Variants in RABEPK observed in about 807,000 individuals in gnomAD.
RABEPK encodes Rab9 effector protein with kelch motifs.
In RABEPK, 27 loss-of-function variants were observed where a neutral mutation model predicts 34.1. The observed-to-expected ratio is 0.79, with a 90% confidence interval of 0.58 to 1.09. The LOEUF is 1.09. Ranked by LOEUF, RABEPK falls within the 50% of genes least tolerant of loss-of-function variation. The pLI, the probability that RABEPK is intolerant of heterozygous loss-of-function variation, is 0.00. For missense variants in RABEPK, 449 were observed against 462.6 expected, an observed-to-expected ratio of 0.97 and a Z score of 0.27; for synonymous variants, 172 against 169.2, an observed-to-expected ratio of 1.02 and a Z score of -0.13.
At chr9:125,217,010 C>T (rs542910353) in intron 4 of RABEPK, among the ~76,000 whole-genome samples, 1 of 151,526 alleles carries the variant, frequency 6.6e-6, no homozygotes, top group Non-Finnish European at 1.5e-5. Context: ...AGACACTTGG[C>T]AGACCATTTG....
At chr9:125,210,643 G>C (rs1253127796) in intron 3 of RABEPK, among the ~76,000 whole-genome samples, 1 of 149,106 alleles carries the variant, frequency 6.7e-6, no homozygotes, top group African/African-American at 2.5e-5. Context: ...GGGAGGCAGA[G>C]GTTGCAGTGA....
chr9:125,203,025 G>A lies in RABEPK; in HGVS notation c.12G>A (p.Leu4=). 1 of 1,613,604 alleles carries A rather than the reference G, an allele frequency of 6.2e-7. No homozygotes were observed. MKQ[L]PVLEPGDKPR... is the part of the protein sequence containing the mutation. ...ATGCATAGGACACCATGAAGCAACTGCCAGTCTTGGAACCTGGAGACAAGC... is the reference window on the plus strand; with the variant it reads ...ATGCATAGGACACCATGAAGCAACTACCAGTCTTGGAACCTGGAGACAAGC... Residue 4 remains leucine, a synonymous_variant, in exon 2 of 8, where the codon CTG becomes CTA. Transcript: ENST00000373538.
intron 7 of RABEPK, among the ~76,000 whole-genome samples, chr9:125,233,351 T>C (rs1417788090): frequency 2.1e-5 from 3 of 145,618 alleles, no homozygotes; most frequent in Non-Finnish European, 4.5e-5. Context: ...TTTTTTTTTT[T>C]TGTCTGAGAT....
At chr9:125,220,343 A>G in intron 4 of RABEPK, 196 bp from the exon 5 acceptor site, 1 of 1,443,192 alleles carries the variant, frequency 6.9e-7, no homozygotes, top group East Asian at 2.5e-5. Flanking sequence ...AATCTTGGGG[A>G]TTTTGGACTG....
At chr9:125,204,114 C>T (rs1830072215) in intron 2 of RABEPK, among the ~76,000 whole-genome samples, 1 of 151,280 alleles carries the variant, frequency 6.6e-6, no homozygotes, top group Non-Finnish European at 1.5e-5. Context: ...GTGGGCGGAT[C>T]ACGAGGTCAG....
Position 125,228,046 on chromosome 9 carries a change from C to T in RABEPK, c.663C>T (p.His221=). 3 of 1,586,708 alleles carry T rather than the reference C, an allele frequency of 1.9e-6. No individual in the cohort carries two copies. The highest frequency in any genetic ancestry group is 2.6e-6 in the Non-Finnish European group (3 of 1,164,452). The change falls in exon 6 of 8, where the codon CAC becomes CAT. Residue 221 remains histidine, a synonymous_variant. Transcript: ENST00000373538. ...GGGACAGATTCTATGATGACCTCCA[C>T]TGCATTGATATAAGTAAGCAGGGCA... ...LAGDRFYDDL[H]CIDISDMKWQ... is the part of the protein sequence containing the mutation.
At chr9:125,212,110 C>G (rs1303738693) in intron 3 of RABEPK, among the ~76,000 whole-genome samples, 1 of 152,212 alleles carries the variant, frequency 6.6e-6, no homozygotes, top group African/African-American at 2.4e-5. Flanking sequence ...GACCTCAGTG[C>G]TCTATAAAGT....
chr9:125,203,191 T>C lies in RABEPK; in HGVS notation c.53+125T>C, dbSNP rs1455306122. On this transcript the variant is annotated intron_variant, in intron 2 of 7. Transcript: ENST00000373538. ...TGAAACTGTCTGCAGTTTCTGGTAA[T>C]TAGACTCAAACTGTCTGAGAAAGTC... 5 of 741,096 alleles carry C rather than the reference T, an allele frequency of 6.7e-6. No homozygotes were observed. The East Asian group carries it at 1.2e-4, about 17-fold the overall frequency. 45.9% of individuals were successfully genotyped at this position (741,096 alleles called of 1,614,324 possible).
At chr9:125,211,935 C>CTCCA (rs941312487) in intron 3 of RABEPK, among the ~76,000 whole-genome samples, 2 of 151,932 alleles carry the variant, frequency 1.3e-5, no homozygotes, top group African/African-American at 4.8e-5. Flanking sequence ...CGCCAGTGCG[C>CTCCA]TCCAGCCTGG....
rs150980160 is a variant in RABEPK, at chr9:125,220,646, G to A, written c.472G>A (p.Gly158Arg). Residue 158 changes from glycine to arginine, a missense_variant, in exon 5 of 8, where the codon GGA becomes AGA. Coordinates refer to ENST00000373538, the MANE Select transcript of RABEPK (RefSeq NM_005833.4). ...IGNQLYVFGG[G>R]ERGAQPVQDT... ...AAACCAGCTATATGTCTTTGGGGGC[G>A]GAGAGAGAGGTGCCCAGCCCGTGCA... 9.9e-6 allele frequency: 16 copies of A among 1,614,048 alleles called. No homozygotes were observed. The highest frequency in any genetic ancestry group is 1.6e-4 in the Middle Eastern group (1 of 6,084).
In RABEPK at chr9:125,232,937, G is replaced by A. The variant is rs1017240131; in HGVS notation, c.826+192G>A. 3.3e-5 allele frequency among the ~76,000 whole-genome samples: 5 copies of A among 152,000 alleles called. No individual in the cohort carries two copies. In the South Asian group the frequency reaches 6.2e-4, roughly 19 times the overall value. On this transcript the variant is annotated intron_variant, in intron 7 of 7. Coordinates refer to ENST00000373538, the MANE Select transcript of RABEPK (RefSeq NM_005833.4). ...CTAAAATACAAAAAATTAGCCAGGCGTGGTGGCGGGCGCCTGTAGTCCCAG... is the reference window on the plus strand; with the variant it reads ...CTAAAATACAAAAAATTAGCCAGGCATGGTGGCGGGCGCCTGTAGTCCCAG...
intron 5 of RABEPK, among the ~76,000 whole-genome samples, chr9:125,222,897 C>T (rs1053442656): frequency 1.3e-5 from 2 of 152,094 alleles, no homozygotes; most frequent in Non-Finnish European, 2.9e-5. Context: ...GTCTCAAACT[C>T]CTAGCCTCAA....
chr9:125,225,895 G>A (rs757812294), intron 5 of RABEPK, among the ~76,000 whole-genome samples: 24 of 151,210 alleles, frequency 1.6e-4, no homozygotes, highest in Non-Finnish European at 2.7e-4. Flanking sequence ...CCTGGGAGGC[G>A]GAGGTTGCAG....
At chr9:125,220,337 T>G in intron 4 of RABEPK, 1 of 1,445,470 alleles carries the variant, frequency 6.9e-7, no homozygotes, top group Middle Eastern at 1.8e-4. Context: ...CTTTTAAATC[T>G]TGGGGATTTT....
At chr9:125,232,206 T>A (rs576369739) in intron 6 of RABEPK, among the ~76,000 whole-genome samples, 4 of 147,626 alleles carry the variant, frequency 2.7e-5, no homozygotes, top group Non-Finnish European at 5.9e-5. Flanking sequence ...GCCCAGGAAC[T>A]GTATTTAAAG....
At position 125,200,737 on chromosome 9, in the gene RABEPK, C is replaced by T. The variant is rs1407982066; in HGVS notation, c.-176C>T. On this transcript the variant is annotated 5_prime_UTR_variant, in exon 1 of 8. Transcript: ENST00000373538. ...CTGGCTCCGTCCCGGCCACTTTGAC[C>T]GAATCAGCCTGTTCTTTCCCGACCC... 6.4e-6 allele frequency: 3 copies of T among 471,102 alleles called. No homozygotes were observed. Among genetic ancestry groups the T allele is most frequent in the Non-Finnish European group, 1.3e-5 (3 of 227,076 alleles). The allele number at this position is 471,102 out of a possible 1,614,324, so 29.2% of individuals were successfully genotyped here. A position where few individuals can be genotyped will look rare whatever the true frequency, so the allele number is the denominator to read the frequency against.
intron 3 of RABEPK, among the ~76,000 whole-genome samples, chr9:125,208,968 C>T (rs1475773590): frequency 6.6e-6 from 1 of 152,158 alleles, no homozygotes; most frequent in African/African-American, 2.4e-5. Context: ...ACCCCCTATA[C>T]AGTGCATTTT....
rs1178801532 is a variant in RABEPK, at chr9:125,213,491, A to C, written c.333A>C (p.Gly111=). ...IWVFGGANQS[G]NRNCLQVLNP... ...TATTTGGAGGTGCCAACCAATCAGG[A>C]AATCGAAATTGTCTACAAGTCCTGA... The change falls in exon 4 of 8, where the codon GGA becomes GGC. Residue 111 remains glycine, a synonymous_variant. Transcript: ENST00000373538. 2 of 1,614,046 alleles carry C rather than the reference A, an allele frequency of 1.2e-6. No individual in the cohort carries two copies. Among genetic ancestry groups the C allele is most frequent in the African/African-American group, 2.7e-5 (2 of 75,036 alleles).
intron 3 of RABEPK, among the ~76,000 whole-genome samples, chr9:125,210,706 C>CA (rs35140834): frequency 0.28 from 23,572 of 82,858 alleles, 2,681 homozygotes; most frequent in Middle Eastern, 0.43. Context: ...GACTCCGTCT[C>CA]AAAAAAAAAA....
Sources: gnomAD v4.1 joint callset for allele counts (sites outside exome capture counted in the v4.1 genomes callset) on GRCh38, gnomAD v4.1.1 for gene constraint, MANE v1.5 for transcripts, NCBI Gene and HGNC (gene_info 2026-07-23, HGNC 2026-07-21) for gene names.